Variants in CCDC60 observed in about 807,000 individuals in gnomAD.
CCDC60 encodes coiled-coil domain containing 60.
A neutral mutation model predicts 63.5 loss-of-function variants in CCDC60; 54 were observed. That is an observed-to-expected ratio of 0.85 (90% confidence interval 0.68 to 1.07). CCDC60 has a LOEUF of 1.07. Ranked by LOEUF, CCDC60 falls within the 50% of genes least tolerant of loss-of-function variation. CCDC60 has a pLI of 0.00. For synonymous variants in CCDC60, 206 were observed against 238.8 expected (o/e 0.86, Z 1.27); for missense variants, 651 against 684.3 (o/e 0.95, Z 0.54).
At chr12:119,437,782 C>T (rs924754734) in intron 2 of CCDC60, among the ~76,000 whole-genome samples, 2 of 152,206 alleles carry the variant, frequency 1.3e-5, no homozygotes, top group Admixed American at 6.5e-5. Context: ...TGCCTCAAAG[C>T]CCCAGGATTG....
chr12:119,337,050 G>A (rs566296228), intron 1 of CCDC60, among the ~76,000 whole-genome samples: 32 of 152,284 alleles, frequency 2.1e-4, no homozygotes, highest in African/African-American at 7.7e-4. Context: ...AGTCTGTGAA[G>A]GAGAGCTTAA....
chr12:119,372,839 C>G (rs1199197327), intron 1 of CCDC60, among the ~76,000 whole-genome samples: 1 of 152,164 alleles, frequency 6.6e-6, no homozygotes, highest in East Asian at 1.9e-4. Context: ...CACTTTCACT[C>G]TTCCTTGTTT....
At chr12:119,413,088 G>T (rs1159379879) in intron 1 of CCDC60, among the ~76,000 whole-genome samples, 2 of 152,144 alleles carry the variant, frequency 1.3e-5, no homozygotes, top group Admixed American at 1.3e-4. Flanking sequence ...CTAGCCCATC[G>T]TACAGATTCC....
chr12:119,344,893 AC>A, intron 1 of CCDC60, among the ~76,000 whole-genome samples: 3 of 141,418 alleles, frequency 2.1e-5, no homozygotes, highest in African/African-American at 5.1e-5. Context: ...ACACACACAC[AC>A]ACACAATCTC....
intron 4 of CCDC60, among the ~76,000 whole-genome samples, chr12:119,480,571 A>C (rs1295328399): frequency 6.6e-6 from 1 of 152,096 alleles, no homozygotes; most frequent in African/African-American, 2.4e-5. Flanking sequence ...CACCATCATC[A>C]TCATCACCAT....
chr12:119,480,093 G>A (rs1951272029), intron 4 of CCDC60, among the ~76,000 whole-genome samples: 1 of 151,668 alleles, frequency 6.6e-6, no homozygotes, highest in Non-Finnish European at 1.5e-5. Flanking sequence ...ATTTAGAGCT[G>A]TGATACAATG....
intron 1 of CCDC60, among the ~76,000 whole-genome samples, chr12:119,404,993 G>C (rs940928037): frequency 1.3e-5 from 2 of 152,156 alleles, no homozygotes; most frequent in Admixed American, 6.5e-5. Context: ...CCCCAGGAAA[G>C]CATGAAAATG....
At chr12:119,503,280 G>A (rs1951902872) in intron 6 of CCDC60, among the ~76,000 whole-genome samples, 1 of 152,152 alleles carries the variant, frequency 6.6e-6, no homozygotes, top group South Asian at 2.1e-4. Context: ...ACTTCTACAT[G>A]TTTCATCCCT....
intron 9 of CCDC60, among the ~76,000 whole-genome samples, chr12:119,522,402 T>C (rs550764671): frequency 2.7e-4 from 41 of 152,222 alleles, no homozygotes; most frequent in African/African-American, 8.9e-4. Flanking sequence ...GCATGATGAG[T>C]TGATGGGTCA....
intron 1 of CCDC60, among the ~76,000 whole-genome samples, chr12:119,369,208 T>C: frequency 6.6e-6 from 1 of 152,106 alleles, no homozygotes; most frequent in East Asian, 1.9e-4. Context: ...GAATGCTAAA[T>C]CCAGGCCTGA....
chr12:119,479,152 A>G lies in CCDC60; in HGVS notation c.400A>G (p.Thr134Ala), dbSNP rs764868744. The change falls in exon 4 of 14, where the codon ACT becomes GCT. Residue 134 changes from threonine to alanine, a missense_variant. Transcript: ENST00000327554. Reference protein sequence around the residue: ...LGARVTRRPFTPIHSCIISPS... With the variant: ...LGARVTRRPFAPIHSCIISPS... ...AGCTAGAGTCACACGTCGCCCATTC[A>G]CTCCCATCCACAGCTGCATCATTTC... is the stretch of plus-strand genomic sequence containing the variant. 6 of 1,613,686 alleles carry G rather than the reference A, an allele frequency of 3.7e-6. No individual in the cohort carries two copies. Among genetic ancestry groups the G allele is most frequent in the Admixed American group, 1.7e-5 (1 of 59,994 alleles).
At chr12:119,536,511 G>A (rs183498754) in intron 13 of CCDC60, among the ~76,000 whole-genome samples, 3 of 152,258 alleles carry the variant, frequency 2.0e-5, no homozygotes, top group African/African-American at 4.8e-5. Context: ...TCCTAGCATC[G>A]ATGGTCTTTA....
At chr12:119,356,393 A>C (rs865935523) in intron 1 of CCDC60, among the ~76,000 whole-genome samples, 3 of 152,164 alleles carry the variant, frequency 2.0e-5, no homozygotes, top group African/African-American at 7.2e-5. Flanking sequence ...TTATATTCAT[A>C]TTCATTCATT....
intron 1 of CCDC60, among the ~76,000 whole-genome samples, chr12:119,387,797 TCA>T (rs1956086512): frequency 1.3e-5 from 2 of 152,326 alleles, no homozygotes; most frequent in Admixed American, 1.3e-4. Context: ...TGTTACTGAA[TCA>T]CAGTTTATTT....
At chr12:119,536,835 C>T (rs1289117763) in intron 13 of CCDC60, among the ~76,000 whole-genome samples, 1 of 152,010 alleles carries the variant, frequency 6.6e-6, no homozygotes, top group Non-Finnish European at 1.5e-5. Flanking sequence ...TTTCTGACTG[C>T]CCTTAACATT....
chr12:119,418,067 A>C (rs1956735281), intron 1 of CCDC60, among the ~76,000 whole-genome samples: 1 of 152,190 alleles, frequency 6.6e-6, no homozygotes, highest in South Asian at 2.1e-4. Context: ...TACAACAGGC[A>C]GTCAAATACC....
At chr12:119,404,537 C>T (rs1444379143) in intron 1 of CCDC60, among the ~76,000 whole-genome samples, 1 of 152,162 alleles carries the variant, frequency 6.6e-6, no homozygotes, top group East Asian at 1.9e-4. Context: ...CTCAGGAAGA[C>T]CTTTTTGAAT....
intron 4 of CCDC60, among the ~76,000 whole-genome samples, chr12:119,481,988 A>ATATATATGTATATATAG (rs1566033792): frequency 2.5e-5 from 3 of 121,950 alleles, no homozygotes; most frequent in African/African-American, 6.1e-5. Context: ...ATATATATGT[A>ATATATATGTATATATAG]TATATATATG....
intron 1 of CCDC60, among the ~76,000 whole-genome samples, chr12:119,417,721 ACAAACAAATCAAC>A (rs1956727829): frequency 6.6e-6 from 1 of 152,198 alleles, no homozygotes; most frequent in South Asian, 2.1e-4. Context: ...CTTAGCCAAA[ACAAACAAATCAAC>A]CAAAAAACTA....
Sources: gnomAD v4.1 joint callset for allele counts (sites outside exome capture counted in the v4.1 genomes callset) on GRCh38, gnomAD v4.1.1 for gene constraint, MANE v1.5 for transcripts, NCBI Gene and HGNC (gene_info 2026-07-23, HGNC 2026-07-21) for gene names.